KCNH5: variants seen among roughly 807,000 people sequenced by gnomAD.
KCNH5 encodes the protein potassium voltage-gated channel subfamily H member 5, also known as voltage-gated delayed rectifier potassium channel KCNH5.
In KCNH5, 46 loss-of-function variants were observed where a neutral mutation model predicts 96.1. That is an observed-to-expected ratio of 0.48 (90% CI 0.38 to 0.61). KCNH5 has a LOEUF of 0.61. KCNH5 is among the 20% of genes least tolerant of loss of function. The probability of loss-of-function intolerance (pLI) is 0.00; values close to 1 mark genes in which losing one functional copy is unlikely to be tolerated. For missense variants in KCNH5, 907 were observed against 1,225.8 expected (o/e 0.74, Z 3.88); for synonymous variants, 439 against 449.8 (o/e 0.98, Z 0.30).
At chr14:62,745,222 G>A (rs144862423) in intron 10 of KCNH5, among the ~76,000 whole-genome samples, 87 of 152,250 alleles carry the variant, frequency 5.7e-4, no homozygotes, top group Admixed American at 9.8e-4. Flanking sequence ...TGCTTGTGTA[G>A]ATCAGAAGCT....
At chr14:62,951,587 G>C (rs770912637) in intron 6 of KCNH5, among the ~76,000 whole-genome samples, 2 of 152,166 alleles carry the variant, frequency 1.3e-5, no homozygotes, top group Non-Finnish European at 2.9e-5. Flanking sequence ...TGACCAGCAA[G>C]GAGGAATTTG....
At chr14:62,763,516 A>C in intron 10 of KCNH5, among the ~76,000 whole-genome samples, 1 of 152,176 alleles carries the variant, frequency 6.6e-6, no homozygotes, top group East Asian at 1.9e-4. Flanking sequence ...AATCTAGCAG[A>C]AGAAAAGAAA....
chr14:63,016,983 T>C (rs1372141586), intron 1 of KCNH5, 29 bp from the exon 2 acceptor site: 1 of 1,589,738 alleles, frequency 6.3e-7, no homozygotes, highest in East Asian at 2.2e-5. Flanking sequence ...AAAAGGAGGT[T>C]ATTTAGCTTA....
chr14:62,735,544 A>G (rs1416397484), intron 10 of KCNH5, among the ~76,000 whole-genome samples: 1 of 152,188 alleles, frequency 6.6e-6, no homozygotes, highest in Non-Finnish European at 1.5e-5. Context: ...AATTTTAACA[A>G]CAAAAATAAT....
At chr14:62,775,397 A>C (rs1424516737) in intron 10 of KCNH5, among the ~76,000 whole-genome samples, 1 of 152,164 alleles carries the variant, frequency 6.6e-6, no homozygotes, top group Non-Finnish European at 1.5e-5. Context: ...AAATCAAATC[A>C]ATTACCAAAC....
intron 7 of KCNH5, among the ~76,000 whole-genome samples, chr14:62,935,049 AGTCAAGCGTACTATGAAAG>A (rs1889652452): frequency 6.6e-6 from 1 of 152,206 alleles, no homozygotes; most frequent in Non-Finnish European, 1.5e-5. Flanking sequence ...CAGATGTGGC[AGTCAAGCGTACTATGAAAG>A]GTGGAAAAGT....
At chr14:62,750,472 G>A (rs965957902) in intron 10 of KCNH5, among the ~76,000 whole-genome samples, 5 of 152,136 alleles carry the variant, frequency 3.3e-5, no homozygotes, top group Non-Finnish European at 5.9e-5. Context: ...CGTGGCTGAG[G>A]GTACAAACCT....
chr14:62,877,888 A>G (rs560754552), intron 7 of KCNH5, among the ~76,000 whole-genome samples: 39 of 152,046 alleles, frequency 2.6e-4, no homozygotes, highest in African/African-American at 8.4e-4. Flanking sequence ...ATAAAGACAC[A>G]TGCACACGTA....
At chr14:62,917,187 G>A (rs1406126852) in intron 7 of KCNH5, among the ~76,000 whole-genome samples, 3 of 152,058 alleles carry the variant, frequency 2.0e-5, no homozygotes, top group African/African-American at 7.2e-5. Context: ...CTAATACATA[G>A]CTTTACATTG....
chr14:63,032,321 A>G (rs773611897), intron 1 of KCNH5, among the ~76,000 whole-genome samples: 1 of 152,068 alleles, frequency 6.6e-6, no homozygotes, highest in Admixed American at 6.6e-5. Context: ...CTACAAACCC[A>G]GATAAGGGCT....
intron 6 of KCNH5, among the ~76,000 whole-genome samples, chr14:62,972,889 T>G (rs1890435483): frequency 6.6e-6 from 1 of 152,118 alleles, no homozygotes; most frequent in Non-Finnish European, 1.5e-5. Flanking sequence ...TGAAAAAAAT[T>G]TTAAGACAGT....
intron 7 of KCNH5, among the ~76,000 whole-genome samples, chr14:62,872,641 A>G (rs569450530): frequency 1.1e-4 from 17 of 152,196 alleles, no homozygotes; most frequent in African/African-American, 4.1e-4. Context: ...TGCAGTGAGC[A>G]GATACCATGC....
intron 8 of KCNH5, among the ~76,000 whole-genome samples, chr14:62,819,925 A>G (rs1296560781): frequency 6.6e-6 from 1 of 152,218 alleles, no homozygotes; most frequent in Non-Finnish European, 1.5e-5. Flanking sequence ...AATTTGCACT[A>G]TCTGTAGAGA....
At chr14:62,843,500 C>T (rs1484425589) in intron 8 of KCNH5, among the ~76,000 whole-genome samples, 1 of 150,944 alleles carries the variant, frequency 6.6e-6, no homozygotes, top group African/African-American at 2.4e-5. Flanking sequence ...CAGCCTCCTC[C>T]TCCCGGGTTC....
chr14:62,811,184 C>T (rs1886865675), intron 8 of KCNH5, among the ~76,000 whole-genome samples: 1 of 152,120 alleles, frequency 6.6e-6, no homozygotes, highest in Non-Finnish European at 1.5e-5. Context: ...TTCTCAAGCT[C>T]CAAAGATGTA....
At chr14:62,990,584 A>G (rs1285731158) in intron 4 of KCNH5, among the ~76,000 whole-genome samples, 1 of 152,154 alleles carries the variant, frequency 6.6e-6, no homozygotes, top group Non-Finnish European at 1.5e-5. Context: ...GAAAGGTAAT[A>G]TTAACCCATC....
chr14:62,891,366 G>T (rs1407786778), intron 7 of KCNH5, among the ~76,000 whole-genome samples: 1 of 152,136 alleles, frequency 6.6e-6, no homozygotes, highest in Admixed American at 6.5e-5. Flanking sequence ...GACAACTTAT[G>T]AACACAAAGA....
Position 62,744,876 on chromosome 14 carries a change from A to G in KCNH5, c.2019+34852T>C, listed in dbSNP as rs186079806. On this transcript the variant is annotated intron_variant, in intron 10 of 10. Transcript: ENST00000322893. ...CTTTCTAAGGGTTTGAAAAATCAGA[A>G]TCCTTGGGAAAAAATCAAGTTAAAT... 1.7e-3 allele frequency among the ~76,000 whole-genome samples: 260 copies of G among 152,266 alleles called. 2 individuals are homozygous for G. Among genetic ancestry groups the G allele is most frequent in the African/African-American group, 6.1e-3 (255 of 41,528 alleles).
At chr14:62,830,557 C>T (rs1302775339) in intron 8 of KCNH5, among the ~76,000 whole-genome samples, 1 of 152,146 alleles carries the variant, frequency 6.6e-6, no homozygotes, top group Admixed American at 6.5e-5. Flanking sequence ...AAGAGGGGAA[C>T]TGCCACACAC....
Sources: gnomAD v4.1 joint callset for allele counts (sites outside exome capture counted in the v4.1 genomes callset) on GRCh38, gnomAD v4.1.1 for gene constraint, MANE v1.5 for transcripts, NCBI Gene and HGNC (gene_info 2026-07-23, HGNC 2026-07-21) for gene names.